The following GUCY1A2 variants were observed in gnomAD, a reference collection of about 807,000 sequenced individuals.
GUCY1A2 encodes guanylate cyclase soluble subunit alpha-2.
GUCY1A2 carries 27 observed loss-of-function variants against 63.5 expected under a neutral mutation model. The observed-to-expected ratio is 0.43, with a 90% CI of 0.31 to 0.59. The LOEUF is 0.59. Ranked by LOEUF, GUCY1A2 falls within the 20% of genes least tolerant of loss-of-function variation. GUCY1A2 has a pLI of 0.11. For missense variants in GUCY1A2, 768 were observed against 913.3 expected, an observed-to-expected ratio of 0.84 and a Z score of 2.05; for synonymous variants, 364 against 343.5, an observed-to-expected ratio of 1.06 and a Z score of -0.66.
chr11:106,974,234 A>G (rs967138687), intron 3 of GUCY1A2, among the ~76,000 whole-genome samples: 2 of 152,126 alleles, frequency 1.3e-5, no homozygotes, highest in South Asian at 2.1e-4. Flanking sequence ...ATAATGGCAG[A>G]AGTTATTTAT....
At chr11:106,809,823 T>A (rs1858740124) in intron 5 of GUCY1A2, among the ~76,000 whole-genome samples, 170 bp downstream of exon 5, 2 of 152,120 alleles carry the variant, frequency 1.3e-5, no homozygotes, top group South Asian at 4.1e-4. Flanking sequence ...ACAAACGAAC[T>A]CATATTGAAA....
In GUCY1A2 at chr11:106,920,192, C is replaced by T. The variant is rs192116326; in HGVS notation, c.1206+19268G>A. 2.6e-5 allele frequency among the ~76,000 whole-genome samples: 4 copies of T among 151,516 alleles called. No individual in the cohort carries two copies. The East Asian group carries it at 7.8e-4, about 29-fold the overall frequency. On this transcript the variant is annotated intron_variant, in intron 4 of 7. Transcript: ENST00000526355. ...ACACGCACACACCAGGGCAATAACACCAAACCGAGAATGGTTATTTCAGTG... is the reference window on the plus strand; with the variant it reads ...ACACGCACACACCAGGGCAATAACATCAAACCGAGAATGGTTATTTCAGTG...
chr11:106,946,465 C>A (rs1319521269), intron 3 of GUCY1A2, among the ~76,000 whole-genome samples: 2 of 151,802 alleles, frequency 1.3e-5, no homozygotes, highest in Non-Finnish European at 2.9e-5. Flanking sequence ...AGAAAACTCT[C>A]ACAAGAATTG....
At chr11:106,759,888 T>C (rs550088779) in intron 6 of GUCY1A2, among the ~76,000 whole-genome samples, 2 of 152,296 alleles carry the variant, frequency 1.3e-5, no homozygotes, top group South Asian at 2.1e-4. Context: ...TGAGCAGACA[T>C]TGCGCCACAG....
chr11:106,812,430 C>T lies in GUCY1A2; in HGVS notation c.1207-1952G>A, dbSNP rs137910223. Among the ~76,000 whole-genome samples the T allele has an allele frequency of 2.6e-5, 4 of 151,714 alleles. No individual in the cohort carries two copies. The East Asian group carries it at 7.8e-4, about 29-fold the overall frequency. On this transcript the variant is annotated intron_variant, in intron 4 of 7. Transcript: ENST00000526355. ...CTTTATTTGGTGTTTGTCTCTCCTT[C>T]TGCTGGTCTCTCTTCTTCATCGCTT...
intron 4 of GUCY1A2, among the ~76,000 whole-genome samples, chr11:106,894,608 G>A (rs1190529956): frequency 6.6e-6 from 1 of 151,886 alleles, no homozygotes; most frequent in Non-Finnish European, 1.5e-5. Flanking sequence ...CTTGAAATGG[G>A]GTTAAATTAT....
chr11:106,781,989 T>C (rs1864473250), intron 5 of GUCY1A2, among the ~76,000 whole-genome samples: 2 of 152,220 alleles, frequency 1.3e-5, no homozygotes, highest in African/African-American at 2.4e-5. Context: ...TTAAGAAATA[T>C]CTGGGAACTT....
At chr11:106,835,131 T>G (rs1226773843) in intron 4 of GUCY1A2, among the ~76,000 whole-genome samples, 4 of 151,922 alleles carry the variant, frequency 2.6e-5, no homozygotes, top group African/African-American at 9.6e-5. Context: ...AATACTAGAT[T>G]TTACGACTTG....
At chr11:106,800,790 T>C (rs1052239369) in intron 5 of GUCY1A2, among the ~76,000 whole-genome samples, 1 of 151,554 alleles carries the variant, frequency 6.6e-6, no homozygotes, top group African/African-American at 2.4e-5. Flanking sequence ...CTAATGAAAA[T>C]GACGAGTTAA....
Position 106,749,739 on chromosome 11 carries a change from T to G in GUCY1A2, c.1836+26700A>C, listed in dbSNP as rs571959340. 9.2e-5 allele frequency among the ~76,000 whole-genome samples: 14 copies of G among 152,220 alleles called. No homozygotes were observed. In the South Asian group the frequency reaches 2.5e-3, roughly 27 times the overall value. Reference sequence around the variant, plus strand: ...CAGAGGCATGACCTTGAAAACGTACTCGTACATTGCCCTTTCCTCCTTCTC... The same window carrying G: ...CAGAGGCATGACCTTGAAAACGTACGCGTACATTGCCCTTTCCTCCTTCTC... On this transcript the variant is annotated intron_variant, in intron 6 of 7. Transcript: ENST00000526355.
intron 3 of GUCY1A2, among the ~76,000 whole-genome samples, chr11:106,948,737 G>T (rs1860863896): frequency 6.6e-6 from 1 of 152,122 alleles, no homozygotes; most frequent in African/African-American, 2.4e-5. Context: ...TTTTGCTGAA[G>T]TAAATCTGTG....
chr11:106,962,620 T>TG (rs1214062642), intron 3 of GUCY1A2, among the ~76,000 whole-genome samples: 1 of 150,226 alleles, frequency 6.7e-6, no homozygotes, highest in African/African-American at 2.5e-5. Flanking sequence ...TGGGAGTAGG[T>TG]GGGGGGAGTT....
chr11:106,789,972 G>A (rs1864629457), intron 5 of GUCY1A2, among the ~76,000 whole-genome samples: 1 of 151,976 alleles, frequency 6.6e-6, no homozygotes, highest in South Asian at 2.1e-4. Context: ...TACAACACTG[G>A]GTCTTGCTCA....
At chr11:106,925,309 C>G (rs763674050) in intron 4 of GUCY1A2, among the ~76,000 whole-genome samples, 3 of 152,068 alleles carry the variant, frequency 2.0e-5, no homozygotes, top group Non-Finnish European at 4.4e-5. Context: ...AGAATAACTG[C>G]TGTAATAAAA....
chr11:106,934,888 G>A (rs890609036), intron 4 of GUCY1A2, among the ~76,000 whole-genome samples: 3 of 152,088 alleles, frequency 2.0e-5, no homozygotes, highest in Non-Finnish European at 4.4e-5. Context: ...CTCAAAATCC[G>A]TTGCTGCTTC....
At chr11:106,688,829 A>G (rs1346813552) in intron 7 of GUCY1A2, among the ~76,000 whole-genome samples, 1 of 152,180 alleles carries the variant, frequency 6.6e-6, no homozygotes, top group Non-Finnish European at 1.5e-5. Flanking sequence ...TAAGGAAAAC[A>G]ATGTAACCAA....
At chr11:106,783,840 G>A (rs1219363487) in intron 5 of GUCY1A2, among the ~76,000 whole-genome samples, 1 of 152,182 alleles carries the variant, frequency 6.6e-6, no homozygotes, top group Non-Finnish European at 1.5e-5. Context: ...TTGGGTGGGG[G>A]TGGTTTCAAA....
At chr11:106,999,791 A>G (rs1214727508) in intron 1 of GUCY1A2, among the ~76,000 whole-genome samples, 1 of 152,174 alleles carries the variant, frequency 6.6e-6, no homozygotes, top group African/African-American at 2.4e-5. Flanking sequence ...CATTAAGGTG[A>G]TATATTCCAC....
chr11:106,963,749 A>T, intron 3 of GUCY1A2, among the ~76,000 whole-genome samples: 1 of 152,224 alleles, frequency 6.6e-6, no homozygotes, highest in Non-Finnish European at 1.5e-5. Flanking sequence ...AATACGCTGC[A>T]AACTCTTAAA....
Sources: gnomAD v4.1 joint callset for allele counts (sites outside exome capture counted in the v4.1 genomes callset) on GRCh38, gnomAD v4.1.1 for gene constraint, MANE v1.5 for transcripts, NCBI Gene and HGNC (gene_info 2026-07-23, HGNC 2026-07-21) for gene names.